Variants in AIG1 observed in about 807,000 individuals in gnomAD.
AIG1 encodes androgen induced 1.
Under a neutral mutation model 31.4 loss-of-function variants are expected in AIG1, and 23 were observed. The observed-to-expected ratio is 0.73, with a 90% CI of 0.53 to 1.04. The LOEUF (loss-of-function observed/expected upper bound fraction) is 1.04, where lower values mean the gene tolerates loss of function less well. Ranked by LOEUF, AIG1 falls within the 50% of genes least tolerant of loss-of-function variation. The pLI, the probability that AIG1 is intolerant of heterozygous loss-of-function variation, is 0.00. For synonymous variants in AIG1, 100 were observed against 110.5 expected, an observed-to-expected ratio of 0.90 and a Z score of 0.60; for missense variants, 274 against 295.0, an observed-to-expected ratio of 0.93 and a Z score of 0.52.
chr6:143,170,233 G>A (rs752532634), intron 3 of AIG1, among the ~76,000 whole-genome samples: 7 of 151,944 alleles, frequency 4.6e-5, no homozygotes, highest in Admixed American at 3.3e-4. Flanking sequence ...TACATTGTTC[G>A]GATACTTTTT....
Position 143,299,211 on chromosome 6 carries a change from G to A in AIG1, c.515+14986G>A, listed in dbSNP as rs988370648. 6.6e-6 allele frequency: 1 copy of A among 152,176 alleles called. No individual in the cohort carries two copies. Among genetic ancestry groups the A allele is most frequent in the Non-Finnish European group, 1.5e-5 (1 of 68,050 alleles). 9.4% of individuals were successfully genotyped at this position (152,176 alleles called of 1,614,324 possible). A position where few individuals can be genotyped will look rare whatever the true frequency, so the allele number is the denominator to read the frequency against. On this transcript the variant is annotated intron_variant, in intron 4 of 5. Transcript: ENST00000357847. This position sits in a 1 kb window ranked among gnomAD's most constrained non-coding sequence, Gnocchi z 4.1. ...ATGGTAGCTCCTGTTTGACATCCAG[G>A]ACAGAGCAGTACCACTTCTCCTTAG...
chr6:143,148,337 CAAAAAA>C (rs527337431), intron 2 of AIG1, among the ~76,000 whole-genome samples: 14 of 46,382 alleles, frequency 3.0e-4, no homozygotes, highest in African/African-American at 4.1e-4. Context: ...CCCATCTCTA[CAAAAAA>C]AAAAAAAAAA....
At chr6:143,143,729 A>G (rs1406512195) in intron 2 of AIG1, among the ~76,000 whole-genome samples, 5 of 151,608 alleles carry the variant, frequency 3.3e-5, no homozygotes, top group Non-Finnish European at 7.4e-5. Context: ...GTCATGTTTT[A>G]TGGTAGAACC....
intron 3 of AIG1, among the ~76,000 whole-genome samples, chr6:143,232,531 C>G (rs554364118): frequency 6.6e-6 from 1 of 152,164 alleles, no homozygotes; most frequent in African/African-American, 2.4e-5. Context: ...CCCCCAAACA[C>G]CTTCTTTGCC....
In AIG1 at chr6:143,302,812, A is replaced by G. The variant is rs1798926672; in HGVS notation, c.515+18587A>G. ...GAGGAATCGCCACACTGACTTCCAC[A>G]ATGGATGAACTAGTTTACAGTCTCA... On this transcript the variant is annotated intron_variant, in intron 4 of 5. Coordinates refer to ENST00000357847, the MANE Select transcript of AIG1 (RefSeq NM_016108.4). Among the ~76,000 whole-genome samples the G allele has an allele frequency of 2.6e-5, 4 of 152,222 alleles. No homozygotes were observed. In the South Asian group the frequency reaches 8.3e-4, roughly 32 times the overall value.
chr6:143,165,773 T>C (rs1413806584), intron 3 of AIG1, among the ~76,000 whole-genome samples: 1 of 152,198 alleles, frequency 6.6e-6, no homozygotes, highest in East Asian at 1.9e-4. Context: ...TCAGTCTAAT[T>C]CTTTCTGGTG....
chr6:143,311,740 A>G (rs1775292096), intron 4 of AIG1, among the ~76,000 whole-genome samples: 1 of 151,982 alleles, frequency 6.6e-6, no homozygotes, highest in Admixed American at 6.6e-5. Flanking sequence ...CAAGAGAAAG[A>G]AATAGAGAGC....
intron 3 of AIG1, chr6:143,187,775 T>G (rs1789405169): frequency 1.6e-5 from 24 of 1,514,526 alleles, no homozygotes; most frequent in Non-Finnish European, 2.1e-5. Flanking sequence ...AGAAGGACAT[T>G]TGGAAATGAC....
At chr6:143,216,803 T>C (rs1792066178) in intron 3 of AIG1, among the ~76,000 whole-genome samples, 1 of 152,202 alleles carries the variant, frequency 6.6e-6, no homozygotes, top group Non-Finnish European at 1.5e-5. Context: ...CTTCCCCAGC[T>C]GCGTGAGGAC....
intron 4 of AIG1, among the ~76,000 whole-genome samples, chr6:143,290,640 T>C (rs902451704): frequency 6.6e-6 from 1 of 152,190 alleles, no homozygotes; most frequent in Non-Finnish European, 1.5e-5. Flanking sequence ...TCTTTCTCTA[T>C]TGGGAGACTG....
intron 3 of AIG1, among the ~76,000 whole-genome samples, chr6:143,177,652 A>T (rs376302807): frequency 6.6e-6 from 1 of 152,064 alleles, no homozygotes; most frequent in Non-Finnish European, 1.5e-5. Context: ...GAGAGCAGGG[A>T]CACCAGGCAG....
At chr6:143,337,663 G>T (rs982493429) in intron 5 of AIG1, among the ~76,000 whole-genome samples, 1 of 152,180 alleles carries the variant, frequency 6.6e-6, no homozygotes, top group African/African-American at 2.4e-5. Flanking sequence ...GGCAAGCGGG[G>T]AGACAGGAGA....
At chr6:143,307,411 T>C (rs1297719750) in intron 4 of AIG1, among the ~76,000 whole-genome samples, 1 of 152,222 alleles carries the variant, frequency 6.6e-6, no homozygotes, top group Non-Finnish European at 1.5e-5. Context: ...TAGTTTTCCT[T>C]CTAACAGACA....
At chr6:143,109,667 T>A (rs1781102537) in intron 1 of AIG1, among the ~76,000 whole-genome samples, 2 of 152,328 alleles carry the variant, frequency 1.3e-5, no homozygotes, top group South Asian at 4.1e-4. Flanking sequence ...TACCTGCCAT[T>A]TGAAATTGGT....
chr6:143,312,489 G>A (rs904494803), intron 4 of AIG1, among the ~76,000 whole-genome samples: 1 of 151,998 alleles, frequency 6.6e-6, no homozygotes, highest in Admixed American at 6.6e-5. Flanking sequence ...ATGTTGCTGG[G>A]AAAACCGGAT....
At chr6:143,278,599 G>A (rs571448253) in intron 3 of AIG1, among the ~76,000 whole-genome samples, 1 of 151,708 alleles carries the variant, frequency 6.6e-6, no homozygotes, top group African/African-American at 2.4e-5. Flanking sequence ...CTCCCAACTA[G>A]CTAGGATTAC....
intron 1 of AIG1, among the ~76,000 whole-genome samples, chr6:143,115,434 G>A (rs1781651911): frequency 6.6e-6 from 1 of 150,578 alleles, no homozygotes; most frequent in East Asian, 2.1e-4. Context: ...CTTATACCAT[G>A]GTATTTATTT....
chr6:143,285,845 G>T (rs915227779), intron 4 of AIG1, among the ~76,000 whole-genome samples: 1 of 152,106 alleles, frequency 6.6e-6, no homozygotes, highest in Non-Finnish European at 1.5e-5. Flanking sequence ...GACTAAAGTT[G>T]TGTCTTAAAA....
In AIG1 at chr6:143,327,443, G is replaced by A. The variant is rs1776702034; in HGVS notation, c.516-5839G>A. On this transcript the variant is annotated intron_variant, in intron 4 of 5. Coordinates refer to ENST00000357847, the MANE Select transcript of AIG1 (RefSeq NM_016108.4). The surrounding 1 kb of genome is among the most constrained non-coding windows in gnomAD (Gnocchi z 5.3). ...AGAGATCTGGAAATTTGCCACGAAG[G>A]AGATGGGAACTCCAGATTTGCGCAT... is the stretch of plus-strand genomic sequence containing the variant. 2.6e-6 allele frequency: 1 copy of A among 379,834 alleles called. No homozygotes were observed. Among genetic ancestry groups the A allele is most frequent in the African/African-American group, 2.1e-5 (1 of 46,868 alleles). 23.5% of individuals were successfully genotyped at this position (379,834 alleles called of 1,614,324 possible).
Sources: allele counts gnomAD v4.1 joint callset (sites outside exome capture counted in the v4.1 genomes callset), GRCh38; gene constraint gnomAD v4.1.1; non-coding constraint Gnocchi (gnomAD v3.1); transcripts MANE v1.5; gene names NCBI Gene and HGNC (gene_info 2026-07-23, HGNC 2026-07-21).